SIRPA: variants seen among roughly 807,000 people sequenced by gnomAD.
SIRPA encodes the protein tyrosine-protein phosphatase non-receptor type substrate 1.
A neutral mutation model predicts 50.3 loss-of-function variants in SIRPA; 9 were observed. The ratio of observed to expected loss-of-function variants is 0.18; its 90% CI spans 0.11 to 0.31. The LOEUF (loss-of-function observed/expected upper bound fraction) is 0.31, where lower values mean the gene tolerates loss of function less well. Ranked by LOEUF, SIRPA falls within the 10% of genes least tolerant of loss-of-function variation. The pLI, the probability that SIRPA is intolerant of heterozygous loss-of-function variation, is 1.00. For synonymous variants in SIRPA, 265 were observed against 284.1 expected, an observed-to-expected ratio of 0.93 and a Z score of 0.68; for missense variants, 474 against 661.6, an observed-to-expected ratio of 0.72 and a Z score of 3.11.
At chr20:1,914,925 A>C (rs895795852) in intron 1 of SIRPA, among the ~76,000 whole-genome samples, 174 bp from the exon 2 acceptor site, 1 of 152,146 alleles carries the variant, frequency 6.6e-6, no homozygotes, top group African/African-American at 2.4e-5. Context: ...CTTAGAATAC[A>C]GGCTCATGTT....
In SIRPA at chr20:1,895,514, T is replaced by C; in HGVS notation, c.67T>C (p.Cys23Arg). Reference sequence around the variant, plus strand: ...GCTCTGCCTGCTGCTCGCCGCGTCCTGCGCCTGGTCAGGTAAGCACCCCCC... The same window carrying C: ...GCTCTGCCTGCTGCTCGCCGCGTCCCGCGCCTGGTCAGGTAAGCACCCCCC... ...PLLCLLLAAS[C>R]AWSGVAGEEE... The change falls in exon 1 of 8, where the codon TGC (cysteine) becomes CGC (arginine). Residue 23 changes from cysteine (C) to arginine (R), a missense_variant. By Grantham distance (180) the Cys-to-Arg change is radical. This residue lies in a region of SIRPA where 72 missense variants were observed against 76.2 expected (regional missense o/e 0.94). Coordinates refer to ENST00000358771, the MANE Select transcript of SIRPA (RefSeq NM_001040023.2). The C allele has an allele frequency of 6.8e-7, 1 of 1,460,428 alleles. No homozygotes were observed. The highest frequency in any genetic ancestry group is 9.0e-7 in the Non-Finnish European group (1 of 1,108,676). The allele number at this position is 1,460,428 out of a possible 1,614,324, so 90.5% of individuals were successfully genotyped here. A position where few individuals can be genotyped will look rare whatever the true frequency, so the allele number is the denominator to read the frequency against.
rs1331830113 is a variant in SIRPA, at chr20:1,932,992, G to A, written c.1227-1723G>A. 1.3e-5 allele frequency among the ~76,000 whole-genome samples: 2 copies of A among 152,208 alleles called. No individual in the cohort carries two copies. Among genetic ancestry groups the A allele is most frequent in the African/African-American group, 4.8e-5 (2 of 41,454 alleles). ...AGAAGAACCCAATGTTTTGAGAATG[G>A]AGTTTGGGGGTTCAGTGAATATTTC... is the stretch of plus-strand genomic sequence containing the variant. On this transcript the variant is annotated intron_variant, in intron 6 of 7. Transcript: ENST00000358771. The surrounding 1 kb of genome is among the most constrained non-coding windows in gnomAD (Gnocchi z 6.0).
At chr20:1,925,229 G>A (rs1985911054) in intron 5 of SIRPA, among the ~76,000 whole-genome samples, 1 of 152,214 alleles carries the variant, frequency 6.6e-6, no homozygotes, top group Non-Finnish European at 1.5e-5. Flanking sequence ...GCAGACTTCT[G>A]CTTTCCTGGT....
chr20:1,904,060 A>C (rs943901797), intron 1 of SIRPA, among the ~76,000 whole-genome samples: 2 of 152,116 alleles, frequency 1.3e-5, no homozygotes, highest in African/African-American at 4.8e-5. Flanking sequence ...CCTTTTAAAG[A>C]GGAGGCTTGG....
chr20:1,898,354 C>T lies in SIRPA; in HGVS notation c.79+2828C>T, dbSNP rs1265479086. ...TCTCTGAGTACTTTCTGGCCTTTAC[C>T]AACCCCTCGGAAACTCACGGTAATT... is the stretch of plus-strand genomic sequence containing the variant. On this transcript the variant is annotated intron_variant, in intron 1 of 7. Transcript: ENST00000358771. The surrounding 1 kb of genome is among the most constrained non-coding windows in gnomAD (Gnocchi z 4.3). Among the ~76,000 whole-genome samples the T allele has an allele frequency of 6.6e-6, 1 of 152,186 alleles. No individual in the cohort carries two copies. Among genetic ancestry groups the T allele is most frequent in the African/African-American group, 2.4e-5 (1 of 41,446 alleles).
chr20:1,898,929 C>T lies in SIRPA; in HGVS notation c.79+3403C>T, dbSNP rs1056958942. On this transcript the variant is annotated intron_variant, in intron 1 of 7. Coordinates refer to ENST00000358771, the MANE Select transcript of SIRPA (RefSeq NM_001040023.2). The surrounding 1 kb of genome is among the most constrained non-coding windows in gnomAD (Gnocchi z 4.3). ...CTGGAGCCCCCAGAGCTGGAATATT[C>T]CTCCCTGCATCTTCCTGGTGCCCTT... Among the ~76,000 whole-genome samples the T allele has an allele frequency of 6.6e-6, 1 of 152,082 alleles. No individual in the cohort carries two copies. Among genetic ancestry groups the T allele is most frequent in the Non-Finnish European group, 1.5e-5 (1 of 68,018 alleles).
chr20:1,906,112 A>T (rs559730419), intron 1 of SIRPA, among the ~76,000 whole-genome samples: 2 of 152,194 alleles, frequency 1.3e-5, no homozygotes, highest in Non-Finnish European at 2.9e-5. Flanking sequence ...AGCCCGTTTC[A>T]TCCTCAGAAC....
Position 1,934,851 on chromosome 20 carries a change from T to A in SIRPA, c.1266+97T>A. 1.5e-6 allele frequency: 2 copies of A among 1,340,446 alleles called. No homozygotes were observed. Among genetic ancestry groups the A allele is most frequent in the Non-Finnish European group, 2.1e-6 (2 of 931,728 alleles). 83.0% of individuals were successfully genotyped at this position (1,340,446 alleles called of 1,614,324 possible). A position where few individuals can be genotyped will look rare whatever the true frequency, so the allele number is the denominator to read the frequency against. The stretch of plus-strand genomic sequence containing the variant: ...AGATCTGGTTCTAAATTAAGACTCC[T>A]TGTGGGGTGGAGGGTGGAGGATCTT... On this transcript the variant is annotated intron_variant, in intron 7 of 7. Coordinates refer to ENST00000358771, the MANE Select transcript of SIRPA (RefSeq NM_001040023.2). The surrounding 1 kb of genome is among the most constrained non-coding windows in gnomAD (Gnocchi z 4.6).
rs1454800566 is a variant in SIRPA, at chr20:1,915,503, CAATA to C, written c.436+50_436+53del. On this transcript the variant is annotated intron_variant, in intron 2 of 7. Coordinates refer to ENST00000358771, the MANE Select transcript of SIRPA (RefSeq NM_001040023.2). ...TTGCCTCTGGTTTGTGACAGTAACTCAATAATAACACCCTCCATTCTTTGAGCAA... is the reference window on the plus strand; with the variant it reads ...TTGCCTCTGGTTTGTGACAGTAACTCATAACACCCTCCATTCTTTGAGCAA... The C allele has an allele frequency of 4.4e-6, 7 of 1,590,914 alleles. No homozygotes were observed. The South Asian group carries it at 5.5e-5, about 13-fold the overall frequency.
chr20:1,912,838 C>T (rs772101929), intron 1 of SIRPA, among the ~76,000 whole-genome samples: 26 of 152,232 alleles, frequency 1.7e-4, no homozygotes, highest in Non-Finnish European at 3.7e-4. Context: ...GGCAGCCTTT[C>T]CAGTTGGTCC....
Position 1,922,470 on chromosome 20 carries a change from G to A in SIRPA, c.912G>A (p.Glu304=), listed in dbSNP as rs2422667. The A allele has an allele frequency of 9.1e-5, 147 of 1,614,120 alleles. No individual in the cohort carries two copies. The highest frequency in any genetic ancestry group is 1.5e-4 in the Admixed American group (9 of 60,014). ...SRTETASTVT[E]NKDGTYNWMS... ...CAGAAACGGCCTCAACCGTTACAGA[G>A]AACAAGGATGGTACCTACAACTGGA... The change falls in exon 4 of 8, where the codon GAG becomes GAA. Residue 304 remains glutamate, a synonymous_variant. Coordinates refer to ENST00000358771, the MANE Select transcript of SIRPA (RefSeq NM_001040023.2).
intron 1 of SIRPA, among the ~76,000 whole-genome samples, chr20:1,905,816 G>A (rs530876200): frequency 1.3e-5 from 2 of 152,322 alleles, no homozygotes; most frequent in African/African-American, 2.4e-5. Context: ...TGCAAGCATC[G>A]CTTCATCACC....
intron 1 of SIRPA, among the ~76,000 whole-genome samples, chr20:1,902,635 G>A (rs1984288270): frequency 6.6e-6 from 1 of 152,172 alleles, no homozygotes; most frequent in South Asian, 2.1e-4. Context: ...CCAGGTAGCT[G>A]GGGAGAAAAG....
In SIRPA at chr20:1,927,732, TG is replaced by T. The variant is rs777740645; in HGVS notation, c.1202-138del. ...GAAGAGGATGCCCACTGGGTGGGCA[TG>T]GGGGTCTCCTGTGGTTCCAAGGATG... is the stretch of plus-strand genomic sequence containing the variant. On this transcript the variant is annotated intron_variant, in intron 5 of 7. Transcript: ENST00000358771. This position sits in a 1 kb window ranked among gnomAD's most constrained non-coding sequence, Gnocchi z 6.5. 673 of 751,930 alleles carry T rather than the reference TG, an allele frequency of 9.0e-4. 6 individuals carry two copies. Among genetic ancestry groups the T allele is most frequent in the Non-Finnish European group, 5.0e-4 (209 of 417,112 alleles). 46.6% of individuals were successfully genotyped at this position (751,930 alleles called of 1,614,324 possible).
At chr20:1,931,950 C>T (rs966434484) in intron 6 of SIRPA, among the ~76,000 whole-genome samples, 5 of 152,146 alleles carry the variant, frequency 3.3e-5, no homozygotes, top group Non-Finnish European at 7.4e-5. Context: ...ATTTATTCGT[C>T]GGGACTGAGC....
Position 1,937,955 on chromosome 20 carries a change from C to T in SIRPA, c.*387C>T, listed in dbSNP as rs970924780. 4.8e-6 allele frequency: 1 copy of T among 209,976 alleles called. No individual in the cohort carries two copies. The highest frequency in any genetic ancestry group is 9.7e-6 in the Non-Finnish European group (1 of 102,728). The allele number at this position is 209,976 out of a possible 1,614,324, so 13.0% of individuals were successfully genotyped here. ...TCTTCCAGGGTGGGGAGGAGAAAAT[C>T]CCACCTCCCCTGACCTCCACCACCT... On this transcript the variant is annotated 3_prime_UTR_variant, in exon 8 of 8. Coordinates refer to ENST00000358771, the MANE Select transcript of SIRPA (RefSeq NM_001040023.2). This position sits in a 1 kb window ranked among gnomAD's most constrained non-coding sequence, Gnocchi z 8.3.
chr20:1,922,666 G>A (rs772461558), intron 4 of SIRPA, 21 bp downstream of exon 4: 7 of 1,585,334 alleles, frequency 4.4e-6, no homozygotes, highest in Non-Finnish European at 6.0e-6. Context: ...TATTTCAGCT[G>A]ACCCAGCTTT....
Position 1,922,399 on chromosome 20 carries a change from C to G in SIRPA, c.841C>G (p.Gln281Glu). Residue 281 changes from glutamine (Q) to glutamate (E), a missense_variant, in exon 4 of 8, where the codon CAG becomes GAG. Physicochemically the swap from Gln to Glu is conservative, Grantham distance 29 (BLOSUM62 2). Around this residue, in one of 4 missense-constraint regions of SIRPA, gnomAD observed 221 missense variants for 359.9 expected, o/e 0.61. Coordinates refer to ENST00000358771, the MANE Select transcript of SIRPA (RefSeq NM_001040023.2). Reference sequence around the variant, plus strand: ...CTGCCAGGTGAGGAAGTTCTACCCCCAGAGACTACAGCTGACCTGGTTGGA... The same window carrying G: ...CTGCCAGGTGAGGAAGTTCTACCCCGAGAGACTACAGCTGACCTGGTTGGA... ...VTCQVRKFYP[Q>E]RLQLTWLENG... 1 of 1,614,250 alleles carries G rather than the reference C, an allele frequency of 6.2e-7. No homozygotes were observed. The highest frequency in any genetic ancestry group is 8.5e-7 in the Non-Finnish European group (1 of 1,180,048).
chr20:1,923,972 G>T (rs1482070136), intron 4 of SIRPA, among the ~76,000 whole-genome samples: 1 of 137,630 alleles, frequency 7.3e-6, no homozygotes, highest in African/African-American at 2.9e-5. Flanking sequence ...AGAGTCAGTT[G>T]GTTGGCTGGT....
Sources: gnomAD v4.1 joint callset for allele counts (sites outside exome capture counted in the v4.1 genomes callset) on GRCh38, gnomAD v4.1.1 for gene constraint, gnomAD v4.1.1 regional missense constraint, Gnocchi (gnomAD v3.1) non-coding constraint, MANE v1.5 for transcripts, NCBI Gene and HGNC (gene_info 2026-07-23, HGNC 2026-07-21) for gene names.